The following CLMN variants were observed in gnomAD, a reference collection of about 807,000 sequenced individuals.
CLMN encodes calmin.
CLMN carries 57 observed loss-of-function variants against 92.7 expected under a neutral mutation model. The ratio of observed to expected loss-of-function variants is 0.61; its 90% CI spans 0.50 to 0.77. The LOEUF is 0.77. CLMN is among the 30% of genes least tolerant of loss of function. The pLI, the probability that CLMN is intolerant of heterozygous loss-of-function variation, is 0.00. For synonymous variants in CLMN, 466 were observed against 470.6 expected (o/e 0.99, Z 0.13); for missense variants, 1,158 against 1,237.5 (o/e 0.94, Z 0.96).
chr14:95,305,021 C>A (rs1391142421), intron 1 of CLMN, among the ~76,000 whole-genome samples: 5 of 152,170 alleles, frequency 3.3e-5, no homozygotes, highest in Non-Finnish European at 5.9e-5. Context: ...GGGAAAGCAA[C>A]CAAGGACTAT....
intron 4 of CLMN, 42 bp from the exon 5 acceptor site, chr14:95,215,775 G>A: frequency 7.0e-7 from 1 of 1,422,798 alleles, no homozygotes; most frequent in South Asian, 1.1e-5. Context: ...AGGTGTCCAG[G>A]GAGGATAACA....
intron 1 of CLMN, among the ~76,000 whole-genome samples, chr14:95,240,665 G>A (rs1439480125): frequency 6.6e-6 from 1 of 152,186 alleles, no homozygotes; most frequent in Non-Finnish European, 1.5e-5. Context: ...CCTGGCTAAA[G>A]CCCGCCTTGA....
At chr14:95,279,584 C>G (rs1595089471) in intron 1 of CLMN, among the ~76,000 whole-genome samples, 1 of 152,234 alleles carries the variant, frequency 6.6e-6, no homozygotes, top group African/African-American at 2.4e-5. Flanking sequence ...GAGATCGAGA[C>G]CATCCTGGCT....
chr14:95,193,408 T>C, intron 12 of CLMN: 1 of 1,532,104 alleles, frequency 6.5e-7, no homozygotes, highest in Non-Finnish European at 8.7e-7. Context: ...AGCTTCTGAG[T>C]ACTGTACCTG....
intron 6 of CLMN, among the ~76,000 whole-genome samples, chr14:95,211,846 C>CT (rs1376552425): frequency 2.0e-5 from 3 of 152,122 alleles, no homozygotes; most frequent in African/African-American, 4.8e-5. Context: ...ATTAATCAAG[C>CT]TATAGACTGC....
chr14:95,261,192 C>CA (rs34154169), intron 1 of CLMN, among the ~76,000 whole-genome samples: 35,062 of 127,670 alleles, frequency 0.27, 4,944 homozygotes, highest in Middle Eastern at 0.42. Flanking sequence ...CACACAAATG[C>CA]AAAAAAAAAA....
Position 95,194,192 on chromosome 14 carries a change from G to C in CLMN, c.2770-273C>G. The C allele has an allele frequency of 7.1e-7, 1 of 1,398,998 alleles. No homozygotes were observed. Among genetic ancestry groups the C allele is most frequent in the Non-Finnish European group, 9.2e-7 (1 of 1,081,470 alleles). The allele number at this position is 1,398,998 out of a possible 1,614,324, so 86.7% of individuals were successfully genotyped here. On this transcript the variant is annotated intron_variant, in intron 11 of 12. Coordinates refer to ENST00000298912, the MANE Select transcript of CLMN (RefSeq NM_024734.4). This position sits in a 1 kb window ranked among gnomAD's most constrained non-coding sequence, Gnocchi z 4.0. ...CGGGTTCTAACACATCTGCTACTGA[G>C]CACGTGCCACTGTCCATCGGACCTT...
chr14:95,231,301 AT>A (rs774942671), intron 1 of CLMN, among the ~76,000 whole-genome samples: 3 of 147,968 alleles, frequency 2.0e-5, no homozygotes, highest in Non-Finnish European at 4.4e-5. Flanking sequence ...GGTTCATGCC[AT>A]TCTCCTGCCT....
intron 3 of CLMN, among the ~76,000 whole-genome samples, chr14:95,223,295 G>C (rs1897605746): frequency 6.6e-6 from 1 of 152,218 alleles, no homozygotes; most frequent in African/African-American, 2.4e-5. Flanking sequence ...GCAACATGGA[G>C]AAGTCTGGCT....
chr14:95,279,281 C>T (rs953251067), intron 1 of CLMN, among the ~76,000 whole-genome samples: 1 of 152,190 alleles, frequency 6.6e-6, no homozygotes, highest in African/African-American at 2.4e-5. Flanking sequence ...CTAAATTATG[C>T]AGGTCAGATA....
chr14:95,305,329 G>A (rs923878945), intron 1 of CLMN, among the ~76,000 whole-genome samples: 2 of 152,218 alleles, frequency 1.3e-5, no homozygotes, highest in African/African-American at 4.8e-5. Flanking sequence ...ATTGAGCACT[G>A]TGTGAGCCAC....
intron 4 of CLMN, among the ~76,000 whole-genome samples, chr14:95,217,574 C>T (rs890430254): frequency 1.3e-5 from 2 of 152,244 alleles, no homozygotes; most frequent in Non-Finnish European, 2.9e-5. Context: ...TCATCACGAG[C>T]GCAAGTCCTG....
intron 1 of CLMN, among the ~76,000 whole-genome samples, chr14:95,245,193 TAATATATATATATATTA>T (rs1477716682): frequency 1.5e-4 from 6 of 38,964 alleles, no homozygotes; most frequent in African/African-American, 2.2e-4. Context: ...TATATATATA[TAATATATATATATATTA>T]TATATATATA....
In CLMN at chr14:95,182,703, C is replaced by T. The variant is rs1167115830; in HGVS notation, c.*8861G>A. The stretch of plus-strand genomic sequence containing the variant: ...TTTCAGAAGCCTTTTTGAGTCGTTA[C>T]TCGGGGAAGGGGAAAAGATGAGGGA... On this transcript the variant is annotated 3_prime_UTR_variant, in exon 13 of 13. Transcript: ENST00000298912. 1.3e-5 allele frequency: 2 copies of T among 152,156 alleles called. No individual in the cohort carries two copies. Among genetic ancestry groups the T allele is most frequent in the African/African-American group, 4.8e-5 (2 of 41,436 alleles). The allele number at this position is 152,156 out of a possible 1,614,324, so 9.4% of individuals were successfully genotyped here.
intron 1 of CLMN, among the ~76,000 whole-genome samples, chr14:95,235,871 G>A (rs765107212): frequency 1.4e-4 from 21 of 152,166 alleles, no homozygotes; most frequent in South Asian, 4.1e-4. Flanking sequence ...TCGCCCAGAC[G>A]TTCGGGCATG....
chr14:95,241,391 G>A (rs1898238535), intron 1 of CLMN, among the ~76,000 whole-genome samples: 1 of 152,128 alleles, frequency 6.6e-6, no homozygotes. Flanking sequence ...GCCCCAGGGG[G>A]AAAGCAGCTG....
In CLMN at chr14:95,259,177, C is replaced by T. The variant is rs1255586357; in HGVS notation, c.83-29044G>A. Among the ~76,000 whole-genome samples, 4 of 151,986 alleles carry T rather than the reference C, an allele frequency of 2.6e-5. No homozygotes were observed. Among genetic ancestry groups the T allele is most frequent in the African/African-American group, 4.8e-5 (2 of 41,326 alleles). ...GTTGGTGCTGCATGGCAGGCTGGAG[C>T]GGAGAGCTGTGCCGGCCAGCAGGGC... On this transcript the variant is annotated intron_variant, in intron 1 of 12. Coordinates refer to ENST00000298912, the MANE Select transcript of CLMN (RefSeq NM_024734.4). The surrounding 1 kb of genome is among the most constrained non-coding windows in gnomAD (Gnocchi z 4.3).
At chr14:95,255,739 A>G (rs1898973134) in intron 1 of CLMN, among the ~76,000 whole-genome samples, 1 of 152,134 alleles carries the variant, frequency 6.6e-6, no homozygotes, top group African/African-American at 2.4e-5. Context: ...GGCCTTCCTC[A>G]AGTCAGTGCC....
rs1896435238 is a variant in CLMN, at chr14:95,186,170, T to C, written c.*5394A>G. 1 of 152,228 alleles carries C rather than the reference T, an allele frequency of 6.6e-6. No individual in the cohort carries two copies. The highest frequency in any genetic ancestry group is 2.4e-5 in the African/African-American group (1 of 41,464). The allele number at this position is 152,228 out of a possible 1,614,324, so 9.4% of individuals were successfully genotyped here. ...AATCTTCAGTTTTTCATCTCTTAAA[T>C]GAGGCACTGAACGCTTACATAATTC... On this transcript the variant is annotated 3_prime_UTR_variant, in exon 13 of 13. Coordinates refer to ENST00000298912, the MANE Select transcript of CLMN (RefSeq NM_024734.4).
Sources: gnomAD v4.1 joint callset for allele counts (sites outside exome capture counted in the v4.1 genomes callset) on GRCh38, gnomAD v4.1.1 for gene constraint, Gnocchi (gnomAD v3.1) non-coding constraint, MANE v1.5 for transcripts, NCBI Gene and HGNC (gene_info 2026-07-23, HGNC 2026-07-21) for gene names.